The following L3MBTL4 variants were observed in gnomAD, a reference collection of about 807,000 sequenced individuals.
L3MBTL4 encodes L3MBTL histone methyl-lysine binding protein 4.
L3MBTL4 carries 70 observed loss-of-function variants against 84.5 expected under a neutral mutation model. The ratio of observed to expected loss-of-function variants is 0.83; its 90% CI spans 0.68 to 1.01. The LOEUF is 1.01. L3MBTL4 is among the 50% of genes least tolerant of loss of function. L3MBTL4 has a pLI of 0.00. For missense variants in L3MBTL4, 715 were observed against 754.8 expected, an observed-to-expected ratio of 0.95 and a Z score of 0.62; for synonymous variants, 274 against 259.8, an observed-to-expected ratio of 1.05 and a Z score of -0.52.
At chr18:6,167,009 C>T (rs1265016652) in intron 13 of L3MBTL4, among the ~76,000 whole-genome samples, 1 of 152,096 alleles carries the variant, frequency 6.6e-6, no homozygotes, top group Non-Finnish European at 1.5e-5. Flanking sequence ...CCACCGATCC[C>T]ACAGAAATAC....
chr18:6,408,050 G>A (rs2055808635), intron 1 of L3MBTL4, among the ~76,000 whole-genome samples: 1 of 152,160 alleles, frequency 6.6e-6, no homozygotes, highest in African/African-American at 2.4e-5. Flanking sequence ...GGGTGTCCAT[G>A]AGTTGCACAA....
intron 16 of L3MBTL4, among the ~76,000 whole-genome samples, chr18:6,075,228 C>G (rs2057818642): frequency 6.6e-6 from 1 of 151,966 alleles, no homozygotes; most frequent in African/African-American, 2.4e-5. Flanking sequence ...AGGGCAATCT[C>G]AAAGAAAAAG....
intron 1 of L3MBTL4, among the ~76,000 whole-genome samples, chr18:6,348,524 G>A (rs1451326963): frequency 6.6e-6 from 1 of 151,998 alleles, no homozygotes. Context: ...ATAGTACTGG[G>A]GCCAATATAA....
intron 16 of L3MBTL4, among the ~76,000 whole-genome samples, chr18:6,016,598 C>A (rs756579771): frequency 6.6e-6 from 1 of 152,112 alleles, no homozygotes; most frequent in Non-Finnish European, 1.5e-5. Context: ...TACATTGTAC[C>A]CAATATGTAG....
At position 5,969,527 on chromosome 18, in the gene L3MBTL4, G is replaced by A. The variant is rs1364011086; in HGVS notation, c.1480C>T (p.Gln494Ter). The change falls in exon 17 of 19, where the codon CAG (glutamine) becomes TAG (stop). Residue 494 changes from glutamine (Q) to a stop codon, truncating the protein, a stop_gained. Transcript: ENST00000317931. LOFTEE classifies it high-confidence loss of function. ...GACACCGTGGACATGGACACTGACTGGTGAAGCACCTGCTGCGCCTGCTCC... is the reference window on the plus strand; with the variant it reads ...GACACCGTGGACATGGACACTGACTAGTGAAGCACCTGCTGCGCCTGCTCC... ...SVEQAQQVLHQSVSMSTVSAH... is the reference protein window; with the variant it reads ...SVEQAQQVLH The A allele has an allele frequency of 1.2e-6, 2 of 1,612,554 alleles. No homozygotes were observed. Among genetic ancestry groups the A allele is most frequent in the African/African-American group, 2.7e-5 (2 of 74,912 alleles).
chr18:6,011,431 T>C (rs538722149), intron 16 of L3MBTL4, among the ~76,000 whole-genome samples: 3 of 152,314 alleles, frequency 2.0e-5, no homozygotes, highest in Non-Finnish European at 2.9e-5. Context: ...GACAGCTCTA[T>C]GGAATTCAAG....
chr18:6,243,896 G>C (rs952396510), intron 6 of L3MBTL4, among the ~76,000 whole-genome samples: 2 of 152,064 alleles, frequency 1.3e-5, no homozygotes, highest in African/African-American at 4.8e-5. Flanking sequence ...TAATAAAATG[G>C]TCTGAGAAAT....
At chr18:6,276,839 T>C (rs546335615) in intron 4 of L3MBTL4, among the ~76,000 whole-genome samples, 1 of 152,014 alleles carries the variant, frequency 6.6e-6, no homozygotes, top group Admixed American at 6.6e-5. Context: ...ATTTCCGATG[T>C]GGTGACTTAT....
At chr18:6,379,139 A>G (rs2054495125) in intron 1 of L3MBTL4, among the ~76,000 whole-genome samples, 1 of 152,102 alleles carries the variant, frequency 6.6e-6, no homozygotes, top group Non-Finnish European at 1.5e-5. Flanking sequence ...GTTGTATAGG[A>G]ATGCTTGTGA....
chr18:6,334,473 T>A (rs2143277390), intron 1 of L3MBTL4, among the ~76,000 whole-genome samples: 1 of 152,304 alleles, frequency 6.6e-6, no homozygotes, highest in Non-Finnish European at 1.5e-5. Flanking sequence ...GTCTAGTTTA[T>A]TAAACTAATA....
At chr18:6,346,534 G>T (rs2052915411) in intron 1 of L3MBTL4, among the ~76,000 whole-genome samples, 1 of 151,876 alleles carries the variant, frequency 6.6e-6, no homozygotes, top group South Asian at 2.1e-4. Context: ...TTGGGCAAAG[G>T]TCTTGAACAG....
intron 16 of L3MBTL4, among the ~76,000 whole-genome samples, chr18:6,016,770 G>A (rs73376045): frequency 0.07 from 10,728 of 152,268 alleles, 508 homozygotes; most frequent in East Asian, 0.12. Context: ...CCCTGACTTC[G>A]TTTTAGGAGG....
intron 13 of L3MBTL4, among the ~76,000 whole-genome samples, chr18:6,160,508 G>A (rs1166287006): frequency 1.3e-5 from 2 of 152,244 alleles, no homozygotes; most frequent in East Asian, 3.9e-4. Flanking sequence ...AAGGTGGGCG[G>A]ATCACCTGAG....
intron 1 of L3MBTL4, among the ~76,000 whole-genome samples, chr18:6,314,060 AGAT>A (rs2050967591): frequency 6.7e-6 from 1 of 149,164 alleles, no homozygotes; most frequent in African/African-American, 2.4e-5. Flanking sequence ...ATAGATAGAT[AGAT>A]AGATAGATAG....
chr18:6,291,925 G>C (rs2146707730), intron 4 of L3MBTL4, among the ~76,000 whole-genome samples: 1 of 152,244 alleles, frequency 6.6e-6, no homozygotes, highest in Middle Eastern at 3.4e-3. Flanking sequence ...CCACAGAATG[G>C]GGGAAAACAT....
intron 1 of L3MBTL4, among the ~76,000 whole-genome samples, chr18:6,366,360 C>G (rs772320522): frequency 2.0e-4 from 31 of 152,278 alleles, no homozygotes; most frequent in Middle Eastern, 3.4e-3. Flanking sequence ...TGTCAGAGAA[C>G]AAATTGTGGC....
chr18:6,002,920 A>G (rs665948), intron 16 of L3MBTL4, among the ~76,000 whole-genome samples: 5,908 of 151,594 alleles, frequency 0.039, 393 homozygotes, highest in African/African-American at 0.13. Context: ...TAAAAACCAT[A>G]AGCCACTTAT....
chr18:6,244,738 G>A (rs1568372270), intron 5 of L3MBTL4, 150 bp from the exon 6 acceptor site: 1 of 621,254 alleles, frequency 1.6e-6, no homozygotes, highest in East Asian at 2.7e-5. Context: ...TGGAAGTTGA[G>A]GGAATGGGGA....
intron 8 of L3MBTL4, among the ~76,000 whole-genome samples, chr18:6,240,890 A>C (rs1854307215): frequency 6.6e-6 from 1 of 152,220 alleles, no homozygotes; most frequent in Non-Finnish European, 1.5e-5. Context: ...TTCTGGGGAC[A>C]CGGATGGCAT....
Sources: gnomAD v4.1 joint callset for allele counts (sites outside exome capture counted in the v4.1 genomes callset) on GRCh38, gnomAD v4.1.1 for gene constraint, MANE v1.5 for transcripts, NCBI Gene and HGNC (gene_info 2026-07-23, HGNC 2026-07-21) for gene names.